The following MAML3 variants were observed in gnomAD, a reference collection of about 807,000 sequenced individuals.
MAML3 encodes mastermind-like protein 3.
In MAML3, 27 loss-of-function variants were observed where a neutral mutation model predicts 101.9. The ratio of observed to expected loss-of-function variants is 0.27; its 90% confidence interval spans 0.20 to 0.37. The LOEUF is 0.37. Ranked by LOEUF, MAML3 falls within the 10% of genes least tolerant of loss-of-function variation. The probability of loss-of-function intolerance (pLI) is 1.00; values close to 1 mark genes in which losing one functional copy is unlikely to be tolerated. For missense variants in MAML3, 1,316 were observed against 1,444.9 expected (o/e 0.91, Z 1.45); for synonymous variants, 501 against 555.9 (o/e 0.90, Z 1.39).
At chr4:139,859,140 A>G (rs1731718852) in intron 2 of MAML3, among the ~76,000 whole-genome samples, 1 of 152,052 alleles carries the variant, frequency 6.6e-6, no homozygotes, top group African/African-American at 2.4e-5. Context: ...TAGTCAAATC[A>G]TGTCCCAGGC....
At chr4:140,006,279 T>A (rs1181747594) in intron 1 of MAML3, among the ~76,000 whole-genome samples, 2 of 150,854 alleles carry the variant, frequency 1.3e-5, no homozygotes, top group Non-Finnish European at 3.0e-5. Flanking sequence ...GGTATTAGAG[T>A]GAACAAGAAG....
At chr4:140,044,724 T>C (rs1210090519) in intron 1 of MAML3, among the ~76,000 whole-genome samples, 4 of 152,182 alleles carry the variant, frequency 2.6e-5, no homozygotes, top group Non-Finnish European at 4.4e-5. Flanking sequence ...AAAATGCTTA[T>C]GCCTGGACAT....
intron 1 of MAML3, among the ~76,000 whole-genome samples, chr4:140,081,844 G>A (rs1274645521): frequency 1.3e-5 from 2 of 152,140 alleles, no homozygotes; most frequent in African/African-American, 2.4e-5. Context: ...AGCTGGAGTT[G>A]TTTATGCTTC....
chr4:139,925,651 C>T (rs528148894), intron 1 of MAML3, among the ~76,000 whole-genome samples: 1 of 152,270 alleles, frequency 6.6e-6, no homozygotes, highest in African/African-American at 2.4e-5. Context: ...GCCACCTTCA[C>T]CCTCACCATT....
chr4:139,729,633 C>T (rs17050893), intron 3 of MAML3, among the ~76,000 whole-genome samples: 37,827 of 152,020 alleles, frequency 0.25, 4,876 homozygotes, highest in East Asian at 0.32. Context: ...GCCTGGGGAT[C>T]TCTTGTGGAC....
intron 4 of MAML3, 85 bp downstream of exon 4, chr4:139,725,666 C>T: frequency 7.7e-7 from 1 of 1,306,078 alleles, no homozygotes; most frequent in Admixed American, 1.8e-5. Context: ...ACAAATACAG[C>T]CAGTAAGGCA....
intron 1 of MAML3, among the ~76,000 whole-genome samples, chr4:140,091,256 A>T (rs192789739): frequency 9.9e-4 from 151 of 152,266 alleles, no homozygotes; most frequent in African/African-American, 3.4e-3. Context: ...GCTCGCAGCA[A>T]AGCTGGCTTT....
rs1043709242 is a variant in MAML3, at chr4:139,876,691, G to A, written c.2079+12666C>T. On this transcript the variant is annotated intron_variant, in intron 2 of 4. Coordinates refer to ENST00000509479, the MANE Select transcript of MAML3 (RefSeq NM_018717.5). ...AGTGGCTTTTAGGGAATGATCATGT[G>A]GACCCAGGCTGCCACCGATGGCTGT... 1.3e-5 allele frequency among the ~76,000 whole-genome samples: 2 copies of A among 152,156 alleles called. 1 individual carries two copies. The highest frequency in any genetic ancestry group is 4.1e-4 in the South Asian group (2 of 4,828).
intron 2 of MAML3, among the ~76,000 whole-genome samples, chr4:139,805,063 C>A (rs1163884988): frequency 6.6e-6 from 1 of 152,118 alleles, no homozygotes; most frequent in African/African-American, 2.4e-5. Flanking sequence ...CCTGTAATCC[C>A]AGCTATTCAG....
intron 2 of MAML3, among the ~76,000 whole-genome samples, chr4:139,841,175 A>G (rs1731354304): frequency 6.6e-6 from 1 of 152,244 alleles, no homozygotes. Context: ...GACTAATTAT[A>G]AAGGTTTACT....
chr4:140,066,677 G>A (rs1727542172), intron 1 of MAML3, among the ~76,000 whole-genome samples: 1 of 152,136 alleles, frequency 6.6e-6, no homozygotes, highest in Non-Finnish European at 1.5e-5. Context: ...TTCCTGCAAG[G>A]TCACCAGAGG....
At chr4:139,863,004 G>A (rs1049331669) in intron 2 of MAML3, among the ~76,000 whole-genome samples, 6 of 152,050 alleles carry the variant, frequency 3.9e-5, no homozygotes, top group African/African-American at 1.4e-4. Flanking sequence ...ACAAAAATTA[G>A]CTGGGCGTGG....
intron 2 of MAML3, among the ~76,000 whole-genome samples, chr4:139,828,467 G>A (rs1731100854): frequency 1.3e-5 from 2 of 152,214 alleles, no homozygotes; most frequent in Non-Finnish European, 2.9e-5. Flanking sequence ...TAGTGGACCT[G>A]TACAGATATC....
At chr4:140,013,496 C>G (rs1726598182) in intron 1 of MAML3, among the ~76,000 whole-genome samples, 1 of 152,210 alleles carries the variant, frequency 6.6e-6, no homozygotes, top group South Asian at 2.1e-4. Context: ...ACCACACTGT[C>G]TTTTGTGCCC....
intron 1 of MAML3, among the ~76,000 whole-genome samples, chr4:139,949,821 A>G (rs1733803552): frequency 6.6e-6 from 1 of 152,168 alleles, no homozygotes; most frequent in African/African-American, 2.4e-5. Context: ...ACCAATATAG[A>G]TGTTGCTAGG....
chr4:140,087,564 A>G (rs747351264), intron 1 of MAML3, among the ~76,000 whole-genome samples: 19 of 152,246 alleles, frequency 1.2e-4, no homozygotes, highest in Non-Finnish European at 5.9e-5. Flanking sequence ...TTACAGAAAC[A>G]TCACCAAAGT....
At chr4:139,834,238 C>T (rs574572271) in intron 2 of MAML3, among the ~76,000 whole-genome samples, 2 of 152,240 alleles carry the variant, frequency 1.3e-5, no homozygotes, top group Non-Finnish European at 2.9e-5. Context: ...GGAATCTATA[C>T]TAGACACAAC....
At chr4:140,138,446 C>T (rs941110498) in intron 1 of MAML3, among the ~76,000 whole-genome samples, 6 of 152,294 alleles carry the variant, frequency 3.9e-5, no homozygotes, top group East Asian at 3.9e-4. Flanking sequence ...AACTTCTAAA[C>T]GGAGAAAGTT....
intron 1 of MAML3, among the ~76,000 whole-genome samples, chr4:140,050,157 T>C (rs1005346406): frequency 6.6e-6 from 1 of 152,176 alleles, no homozygotes; most frequent in African/African-American, 2.4e-5. Flanking sequence ...TGCTATTCCA[T>C]ATTCTTTCAT....
Sources: gnomAD v4.1 joint callset for allele counts (sites outside exome capture counted in the v4.1 genomes callset) on GRCh38, gnomAD v4.1.1 for gene constraint, MANE v1.5 for transcripts, NCBI Gene and HGNC (gene_info 2026-07-23, HGNC 2026-07-21) for gene names.